HORMAD2: variants seen among roughly 807,000 people sequenced by gnomAD.
The protein encoded by HORMAD2 is HORMA domain containing 2.
A neutral mutation model predicts 38.8 loss-of-function variants in HORMAD2; 45 were observed. The observed-to-expected ratio is 1.16, with a 90% CI of 0.91 to 1.49. The LOEUF is 1.49. HORMAD2 is among the 40% of genes most tolerant of loss of function. The pLI, the probability that HORMAD2 is intolerant of heterozygous loss-of-function variation, is 0.00. For synonymous variants in HORMAD2, 126 were observed against 122.8 expected (o/e 1.03, Z -0.17); for missense variants, 338 against 367.0 (o/e 0.92, Z 0.65).
At chr22:30,167,332 G>C (rs1024031505) in intron 10 of HORMAD2, among the ~76,000 whole-genome samples, 1 of 152,092 alleles carries the variant, frequency 6.6e-6, no homozygotes, top group African/African-American at 2.4e-5. Context: ...TTATATTTTT[G>C]CCATGTAAGG....
the HORMAD2 span, among the ~76,000 whole-genome samples, chr22:30,203,593 A>G: frequency 6.6e-6 from 1 of 152,106 alleles, no homozygotes; most frequent in African/African-American, 2.4e-5. Flanking sequence ...CAGCACACAT[A>G]CATTCACCCT....
chr22:30,104,368 T>A, intron 4 of HORMAD2, 33 bp from the exon 5 acceptor site: 2 of 1,594,688 alleles, frequency 1.3e-6, no homozygotes, highest in Non-Finnish European at 1.7e-6. Context: ...TTGCATATGG[T>A]CCAATTGACA....
chr22:30,139,878 A>C (rs537519290), intron 10 of HORMAD2, among the ~76,000 whole-genome samples: 22 of 152,136 alleles, frequency 1.4e-4, no homozygotes, highest in South Asian at 1.0e-3. Flanking sequence ...AATGTATTAC[A>C]TTAGCTGATT....
intron 1 of HORMAD2, among the ~76,000 whole-genome samples, chr22:30,084,632 A>T (rs1039512961): frequency 1.3e-5 from 2 of 151,964 alleles, no homozygotes; most frequent in Non-Finnish European, 2.9e-5. Context: ...TTAGGTTTTT[A>T]ATTTTTTTTA....
chr22:30,131,616 T>C (rs895092503), intron 10 of HORMAD2, among the ~76,000 whole-genome samples: 6 of 152,158 alleles, frequency 3.9e-5, no homozygotes, highest in Non-Finnish European at 7.4e-5. Flanking sequence ...GCCACAAGTA[T>C]TTTTAAAGTT....
intron 8 of HORMAD2, among the ~76,000 whole-genome samples, chr22:30,119,283 G>A (rs1004442718): frequency 2.6e-5 from 4 of 152,126 alleles, no homozygotes; most frequent in Non-Finnish European, 5.9e-5. Context: ...ATGTCAATAA[G>A]GTTGCCTACA....
chr22:30,082,805 A>G (rs571414797), intron 1 of HORMAD2, among the ~76,000 whole-genome samples: 87 of 151,732 alleles, frequency 5.7e-4, no homozygotes, highest in African/African-American at 1.9e-3. Flanking sequence ...CAAAAAAAAA[A>G]AAAAGAAAAG....
chr22:30,078,633 A>AAAAAAAAAAAAAAAAAAAAAAAAAC (rs2068417390), upstream of HORMAD2, among the ~76,000 whole-genome samples: 1 of 150,220 alleles, frequency 6.7e-6, no homozygotes, highest in African/African-American at 2.5e-5. Flanking sequence ...AAAAAAAAAA[A>AAAAAAAAAAAAAAAAAAAAAAAAAC]AAAATTAGAT....
chr22:30,092,097 T>C lies in HORMAD2; in HGVS notation c.-37-1819T>C, dbSNP rs547931746. ...TAAAGACAGGATTTCACCAGACTGG[T>C]CTCAAACTCTTGACCTCAGGTGATC... is the stretch of plus-strand genomic sequence containing the variant. On this transcript the variant is annotated intron_variant, in intron 1 of 10. Coordinates refer to ENST00000336726, the MANE Select transcript of HORMAD2 (RefSeq NM_152510.4). Among the ~76,000 whole-genome samples the C allele has an allele frequency of 1.8e-4, 27 of 151,024 alleles. No homozygotes were observed. In the South Asian group the frequency reaches 3.4e-3, roughly 19 times the overall value.
At chr22:30,113,752 G>C (rs553347974) in intron 7 of HORMAD2, among the ~76,000 whole-genome samples, 80 of 151,994 alleles carry the variant, frequency 5.3e-4, no homozygotes, top group Admixed American at 8.5e-4. Context: ...AGCCTAACTG[G>C]TGCTATTCTA....
the HORMAD2 span, among the ~76,000 whole-genome samples, chr22:30,185,987 C>A: frequency 1.3e-5 from 2 of 149,564 alleles, no homozygotes; most frequent in African/African-American, 4.9e-5. Flanking sequence ...AAGAAAAAAA[C>A]AACCTTGTGT....
chr22:30,117,607 C>T (rs1197104317), intron 7 of HORMAD2, among the ~76,000 whole-genome samples: 1 of 152,088 alleles, frequency 6.6e-6, no homozygotes, highest in East Asian at 1.9e-4. Context: ...TTCCTGGGTT[C>T]AAGCGATTCT....
At chr22:30,127,722 A>G (rs1446363993) in intron 10 of HORMAD2, among the ~76,000 whole-genome samples, 1 of 152,334 alleles carries the variant, frequency 6.6e-6, no homozygotes, top group South Asian at 2.1e-4. Flanking sequence ...TATAGACATG[A>G]ATATCCTACA....
At position 30,151,392 on chromosome 22, in the gene HORMAD2, T is replaced by C. The variant is rs559472810; in HGVS notation, c.820-24671T>C. ...CATAAATATGTCAAGAGTTAGTTTA[T>C]AGGACAAGCAATGCAGTTTTCTTTA... is the stretch of plus-strand genomic sequence containing the variant. On this transcript the variant is annotated intron_variant, in intron 10 of 10. Transcript: ENST00000336726. Among the ~76,000 whole-genome samples, 10 of 152,346 alleles carry C rather than the reference T, an allele frequency of 6.6e-5. No individual in the cohort carries two copies. In the South Asian group the frequency reaches 2.1e-3, roughly 32 times the overall value.
intron 2 of HORMAD2, among the ~76,000 whole-genome samples, chr22:30,098,558 G>T (rs531912978): frequency 1.3e-5 from 2 of 152,242 alleles, no homozygotes; most frequent in South Asian, 4.1e-4. Flanking sequence ...TCTGAGGAGT[G>T]TATGAGAGGG....
intron 10 of HORMAD2, among the ~76,000 whole-genome samples, chr22:30,125,898 T>C (rs992766973): frequency 6.6e-6 from 1 of 152,140 alleles, no homozygotes; most frequent in Non-Finnish European, 1.5e-5. Flanking sequence ...AGGGAGCATA[T>C]TTTAAGGAAG....
Position 30,121,635 on chromosome 22 carries a change from T to C in HORMAD2, c.414T>C (p.His138=), listed in dbSNP as rs1395931546. The change falls in exon 9 of 11, where the codon CAT becomes CAC. Residue 138 remains histidine, a synonymous_variant. Coordinates refer to ENST00000336726, the MANE Select transcript of HORMAD2 (RefSeq NM_152510.4). ...GTATGCTTTTTTTTCTGTGTAGTCA[T>C]AGCAGCAGTACAAGCTTTGAAAGTG... ...KEGATMDFDS[H]SSSTSFESGT... is the part of the protein sequence containing the mutation. 1.9e-6 allele frequency: 3 copies of C among 1,588,288 alleles called. No homozygotes were observed. Among genetic ancestry groups the C allele is most frequent in the Non-Finnish European group, 2.6e-6 (3 of 1,167,036 alleles).
At chr22:30,195,376 T>C in the HORMAD2 span, among the ~76,000 whole-genome samples, 1 of 152,200 alleles carries the variant, frequency 6.6e-6, no homozygotes, top group Non-Finnish European at 1.5e-5. Flanking sequence ...TTCAGGCTTG[T>C]CTCATATCTG....
At chr22:30,156,113 C>T (rs1027700328) in intron 10 of HORMAD2, among the ~76,000 whole-genome samples, 4 of 152,204 alleles carry the variant, frequency 2.6e-5, no homozygotes, top group East Asian at 3.8e-4. Flanking sequence ...AAGCCATGCT[C>T]GCCCTCCACA....
Sources: gnomAD v4.1 joint callset for allele counts (sites outside exome capture counted in the v4.1 genomes callset) on GRCh38, gnomAD v4.1.1 for gene constraint, MANE v1.5 for transcripts, NCBI Gene and HGNC (gene_info 2026-07-23, HGNC 2026-07-21) for gene names.